INSYN1: variants seen among roughly 807,000 people sequenced by gnomAD.
INSYN1 encodes the protein inhibitory synaptic factor 1, also known as UPF0583 protein C15orf59.
Under a neutral mutation model 17.1 loss-of-function variants are expected in INSYN1, and 7 were observed. The observed-to-expected ratio is 0.41, with a 90% CI of 0.23 to 0.77. INSYN1 has a LOEUF of 0.77. Ranked by LOEUF, INSYN1 falls within the 30% of genes least tolerant of loss-of-function variation. INSYN1 has a pLI of 0.32. For missense variants in INSYN1, 339 were observed against 400.6 expected (o/e 0.85, Z 1.31); for synonymous variants, 174 against 166.3 (o/e 1.05, Z -0.36).
intron 2 of INSYN1, among the ~76,000 whole-genome samples, chr15:73,749,547 T>C (rs1901923565): frequency 6.6e-6 from 1 of 152,164 alleles, no homozygotes; most frequent in African/African-American, 2.4e-5. Flanking sequence ...GACTGAGACT[T>C]TGGACAGTTC....
At position 73,753,002 on chromosome 15, in the gene INSYN1, C is replaced by T. The variant is rs928800990; in HGVS notation, c.-1460G>A. Among the ~76,000 whole-genome samples the T allele has an allele frequency of 6.7e-6, 1 of 150,108 alleles. No homozygotes were observed. Among genetic ancestry groups the T allele is most frequent in the African/African-American group, 2.4e-5 (1 of 41,082 alleles). On this transcript the variant is annotated 5_prime_UTR_variant, in exon 1 of 3. Transcript: ENST00000569673. The surrounding 1 kb of genome is among the most constrained non-coding windows in gnomAD (Gnocchi z 4.2). ...GGGCGAGCGGCGGGCCGGGCCGGGC[C>T]GGGGCGCACTAGGCTCGCAGCCTCC... is the stretch of plus-strand genomic sequence containing the variant.
At position 73,751,320 on chromosome 15, in the gene INSYN1, G is replaced by C; in HGVS notation, c.-190C>G. On this transcript the variant is annotated 5_prime_UTR_variant, in exon 2 of 3. Transcript: ENST00000569673. Reference sequence around the variant, plus strand: ...CCAGCCTCCTCTGCCTCTGGGTGGAGAGTGGGACACCCAGAGGGAGACAGA... The same window carrying C: ...CCAGCCTCCTCTGCCTCTGGGTGGACAGTGGGACACCCAGAGGGAGACAGA... 1.6e-6 allele frequency: 1 copy of C among 617,672 alleles called. No individual in the cohort carries two copies. Among genetic ancestry groups the C allele is most frequent in the Non-Finnish European group, 2.8e-6 (1 of 353,054 alleles). 38.3% of individuals were successfully genotyped at this position (617,672 alleles called of 1,614,324 possible).
chr15:73,746,354 G>C (rs928507389), intron 2 of INSYN1, among the ~76,000 whole-genome samples: 1 of 151,994 alleles, frequency 6.6e-6, no homozygotes, highest in African/African-American at 2.4e-5. Flanking sequence ...AAAATAATAA[G>C]AAAAAAATCC....
At chr15:73,743,879 C>G (rs1163305944) in intron 2 of INSYN1, among the ~76,000 whole-genome samples, 1 of 73,828 alleles carries the variant, frequency 1.4e-5, no homozygotes, top group South Asian at 5.0e-4. Flanking sequence ...GAAAATTTAA[C>G]AGATATGAAT....
Position 73,752,962 on chromosome 15 carries a change from G to T in INSYN1, c.-1420C>A, listed in dbSNP as rs1374558438. Among the ~76,000 whole-genome samples the T allele has an allele frequency of 5.3e-5, 8 of 150,360 alleles. No homozygotes were observed. The highest frequency in any genetic ancestry group is 1.0e-4 in the Non-Finnish European group (7 of 67,364). ...GGCGAGGGGAGGAGGCGCGGCGAGG[G>T]GAAGGGAGGGGAGGGGGCGAGCGGC... On this transcript the variant is annotated 5_prime_UTR_variant, in exon 1 of 3. Transcript: ENST00000569673. This position sits in a 1 kb window ranked among gnomAD's most constrained non-coding sequence, Gnocchi z 5.2.
At position 73,753,322 on chromosome 15, in the gene INSYN1, G is replaced by T. The variant is rs554385207; in HGVS notation, c.-1780C>A. Among the ~76,000 whole-genome samples, 1 of 151,260 alleles carries T rather than the reference G, an allele frequency of 6.6e-6. No individual in the cohort carries two copies. The highest frequency in any genetic ancestry group is 2.0e-4 in the East Asian group (1 of 5,058). On this transcript the variant is annotated 5_prime_UTR_variant, in exon 1 of 3. Transcript: ENST00000569673. The surrounding 1 kb of genome is among the most constrained non-coding windows in gnomAD (Gnocchi z 4.2). The stretch of plus-strand genomic sequence containing the variant: ...AAGGCCGCCCGGCTCGCTTGGCTCC[G>T]CTTGCCTCGGCGCTGTCAGGGAAGG...
intron 2 of INSYN1, among the ~76,000 whole-genome samples, chr15:73,747,505 T>G (rs1328215568): frequency 1.3e-5 from 2 of 152,232 alleles, no homozygotes; most frequent in African/African-American, 2.4e-5. Flanking sequence ...TTTGTGCCTC[T>G]CATTGTGCTA....
chr15:73,739,909 C>T lies in INSYN1; in HGVS notation c.*8G>A. 6.8e-7 allele frequency: 1 copy of T among 1,462,208 alleles called. No individual in the cohort carries two copies. Among genetic ancestry groups the T allele is most frequent in the East Asian group, 2.3e-5 (1 of 43,298 alleles). The allele number at this position is 1,462,208 out of a possible 1,614,324, so 90.6% of individuals were successfully genotyped here. A position where few individuals can be genotyped will look rare whatever the true frequency, so the allele number is the denominator to read the frequency against. ...TGTGCCCACCGCCCCCGGCCCCCTCCCCGGCCCCTAGTTTTTCCCCCTGGC... is the reference window on the plus strand; with the variant it reads ...TGTGCCCACCGCCCCCGGCCCCCTCTCCGGCCCCTAGTTTTTCCCCCTGGC... On this transcript the variant is annotated 3_prime_UTR_variant, in exon 3 of 3. Transcript: ENST00000569673.
In INSYN1 at chr15:73,739,838, A is replaced by AATATAT. The variant is rs71650721; in HGVS notation, c.*73_*78dup. 0.02 allele frequency: 2,908 copies of AATATAT among 144,532 alleles called. 43 individuals carry two copies. Among genetic ancestry groups the AATATAT allele is most frequent in the East Asian group, 0.083 (389 of 4,708 alleles). The allele number at this position is 144,532 out of a possible 1,614,324, so 9.0% of individuals were successfully genotyped here. Reference sequence around the variant, plus strand: ...ATTTTATTATGACTTCATTTGTTTAAATATATATATATATATATATATATA... The same window carrying AATATAT: ...ATTTTATTATGACTTCATTTGTTTAAATATATATATATATATATATATATATATATA... On this transcript the variant is annotated 3_prime_UTR_variant, in exon 3 of 3. Transcript: ENST00000569673.
At chr15:73,748,264 G>C (rs758965774) in intron 2 of INSYN1, among the ~76,000 whole-genome samples, 1 of 152,226 alleles carries the variant, frequency 6.6e-6, no homozygotes, top group Non-Finnish European at 1.5e-5. Flanking sequence ...AGTCTGCCAT[G>C]ATCAGTGGCA....
In INSYN1 at chr15:73,751,026, C is replaced by T. The variant is rs754190940; in HGVS notation, c.105G>A (p.Gln35=). 3 of 1,614,124 alleles carry T rather than the reference C, an allele frequency of 1.9e-6. No homozygotes were observed. The Admixed American group carries it at 5.0e-5, about 27-fold the overall frequency. Residue 35 remains glutamine, a synonymous_variant, in exon 2 of 3, where the codon CAG becomes CAA. Coordinates refer to ENST00000569673, the MANE Select transcript of INSYN1 (RefSeq NM_001039614.3). ...TGAGCTCGCGAAGGATGCCCTCAAG[C>T]TGCCCGATGACCATCTTCATGCGCT... The part of the protein sequence containing the change: ...IRQRMKMVIG[Q]LEGILRELKE...
chr15:73,741,151 C>T (rs529631818), intron 2 of INSYN1, among the ~76,000 whole-genome samples: 1 of 152,286 alleles, frequency 6.6e-6, no homozygotes, highest in East Asian at 1.9e-4. Flanking sequence ...CTAAAGCATC[C>T]TGGACCAGTC....
rs1901616919 is a variant in INSYN1 at position 73,739,527 on chromosome 15, C to T, written c.*390G>A. ...TGAACCCTGGCCTAAAGGGACACCA[C>T]TCCCTTTAGAGCCCGCCTCCTGCAG... is the stretch of plus-strand genomic sequence containing the variant. On this transcript the variant is annotated 3_prime_UTR_variant, in exon 3 of 3. Coordinates refer to ENST00000569673, the MANE Select transcript of INSYN1 (RefSeq NM_001039614.3). 1 of 152,526 alleles carries T rather than the reference C, an allele frequency of 6.6e-6. No homozygotes were observed. The highest frequency in any genetic ancestry group is 2.4e-5 in the African/African-American group (1 of 41,468). 9.4% of individuals were successfully genotyped at this position (152,526 alleles called of 1,614,324 possible).
intron 2 of INSYN1, among the ~76,000 whole-genome samples, chr15:73,749,405 G>A (rs1224633587): frequency 6.6e-6 from 1 of 152,144 alleles, no homozygotes; most frequent in Non-Finnish European, 1.5e-5. Context: ...TGGGGAGAGG[G>A]AACACAGATG....
intron 2 of INSYN1, among the ~76,000 whole-genome samples, chr15:73,746,460 G>A (rs1901835888): frequency 6.6e-6 from 1 of 152,130 alleles, no homozygotes; most frequent in South Asian, 2.1e-4. Context: ...TTCCTGGCTG[G>A]GCCCCATTTA....
In INSYN1 at chr15:73,740,648, C is replaced by A; in HGVS notation, c.157-6G>T. On this transcript the variant is annotated splice_region_variant and splice_polypyrimidine_tract_variant and intron_variant, in intron 2 of 2. Transcript: ENST00000569673. ...TTATCGATCTGGCTCACCACCTGAC[C>A]AGGGAAGGGGAGAGGAGATGAGAGG... 6.2e-7 allele frequency: 1 copy of A among 1,600,858 alleles called. No individual in the cohort carries two copies.
At chr15:73,745,869 G>C (rs2141469275) in intron 2 of INSYN1, among the ~76,000 whole-genome samples, 1 of 144,652 alleles carries the variant, frequency 6.9e-6, no homozygotes, top group Non-Finnish European at 1.5e-5. Context: ...TTCTGAGGAA[G>C]AGTTCCATAG....
intron 2 of INSYN1, among the ~76,000 whole-genome samples, chr15:73,750,112 T>C (rs143926840): frequency 0.01 from 1,529 of 152,340 alleles, 14 homozygotes; most frequent in Non-Finnish European, 0.014. Flanking sequence ...CTGGCTGGTA[T>C]AATGGCACCC....
chr15:73,743,828 C>CAATAAAAAAAAAAAA (rs1901751934), intron 2 of INSYN1, among the ~76,000 whole-genome samples: 1 of 21,294 alleles, frequency 4.7e-5, no homozygotes, highest in Non-Finnish European at 8.2e-5. Flanking sequence ...GACTCTGTCT[C>CAATAAAAAAAAAAAA]AAAAAAAAAA....
Sources: allele counts gnomAD v4.1 joint callset (sites outside exome capture counted in the v4.1 genomes callset), GRCh38; gene constraint gnomAD v4.1.1; non-coding constraint Gnocchi (gnomAD v3.1); transcripts MANE v1.5; gene names NCBI Gene and HGNC (gene_info 2026-07-23, HGNC 2026-07-21).